The following ATP11B variants were observed in gnomAD, a reference collection of about 807,000 sequenced individuals.
ATP11B encodes phospholipid-transporting ATPase IF.
In ATP11B, 81 loss-of-function variants were observed where a neutral mutation model predicts 157.8. That is an observed-to-expected ratio of 0.51 (90% CI 0.43 to 0.62). The LOEUF is 0.62. ATP11B is among the 20% of genes least tolerant of loss of function. The pLI is 0.00. For missense variants in ATP11B, 1,165 were observed against 1,402.2 expected (o/e 0.83, Z 2.70); for synonymous variants, 451 against 469.4 (o/e 0.96, Z 0.51).
At chr3:182,880,327 A>G (rs1418524932) in intron 20 of ATP11B, among the ~76,000 whole-genome samples, 1 of 152,222 alleles carries the variant, frequency 6.6e-6, no homozygotes, top group East Asian at 1.9e-4. Flanking sequence ...CAGTACTGAT[A>G]CTATGACAAT....
rs568783720 is a variant in ATP11B, at chr3:182,854,249, C to T, written c.852-3629C>T. Among the ~76,000 whole-genome samples, 4 of 152,288 alleles carry T rather than the reference C, an allele frequency of 2.6e-5. No homozygotes were observed. In the South Asian group the frequency reaches 8.3e-4, roughly 32 times the overall value. ...CTTTGGGAGGCCGAGACGGGCAGAT[C>T]ACCTGAGGTCGGGAGTCCGAGACCA... On this transcript the variant is annotated intron_variant, in intron 10 of 29. Transcript: ENST00000323116.
At chr3:182,812,121 T>C (rs1263024766) in intron 1 of ATP11B, among the ~76,000 whole-genome samples, 1 of 152,234 alleles carries the variant, frequency 6.6e-6, no homozygotes, top group Non-Finnish European at 1.5e-5. Flanking sequence ...TAATGTTGTT[T>C]AGAATTTTGT....
intron 1 of ATP11B, among the ~76,000 whole-genome samples, chr3:182,814,764 C>T (rs1370347141): frequency 6.6e-6 from 1 of 152,150 alleles, no homozygotes; most frequent in African/African-American, 2.4e-5. Flanking sequence ...GCCGTGAATA[C>T]ACCACTGCAC....
intron 1 of ATP11B, among the ~76,000 whole-genome samples, chr3:182,799,238 A>G (rs1023928904): frequency 1.3e-5 from 2 of 149,386 alleles, no homozygotes; most frequent in Admixed American, 6.7e-5. Context: ...TTTATTCTTC[A>G]TTTTGTTTCT....
intron 8 of ATP11B, among the ~76,000 whole-genome samples, chr3:182,844,972 C>A (rs1719355393): frequency 6.8e-6 from 1 of 147,412 alleles, no homozygotes; most frequent in Non-Finnish European, 1.5e-5. Flanking sequence ...TCATGATTAG[C>A]CTAGGCAGCC....
chr3:182,885,276 C>T (rs1192774535), intron 22 of ATP11B, among the ~76,000 whole-genome samples: 1 of 152,038 alleles, frequency 6.6e-6, no homozygotes, highest in Non-Finnish European at 1.5e-5. Flanking sequence ...AAATGAAATA[C>T]ATAGGGTTAC....
Position 182,810,085 on chromosome 3 carries a change from A to G in ATP11B, c.28-10175A>G, listed in dbSNP as rs577438408. On this transcript the variant is annotated intron_variant, in intron 1 of 29. Coordinates refer to ENST00000323116, the MANE Select transcript of ATP11B (RefSeq NM_014616.3). Reference sequence around the variant, plus strand: ...TTCAGCCGGTCACGGTGGCTCATGCACTTTGGGAAGCCGAGGCGAGCAGAT... The same window carrying G: ...TTCAGCCGGTCACGGTGGCTCATGCGCTTTGGGAAGCCGAGGCGAGCAGAT... Among the ~76,000 whole-genome samples the G allele has an allele frequency of 2.6e-5, 4 of 152,328 alleles. No individual in the cohort carries two copies. The East Asian group carries it at 7.7e-4, about 29-fold the overall frequency.
chr3:182,866,221 A>G (rs992378190), intron 13 of ATP11B, 47 bp from the exon 14 acceptor site: 16 of 1,394,134 alleles, frequency 1.1e-5, no homozygotes, highest in Non-Finnish European at 9.6e-7. Context: ...CCTAAATGGT[A>G]TGTGGAAATG....
chr3:182,834,865 G>T (rs1355093737), intron 4 of ATP11B, among the ~76,000 whole-genome samples: 1 of 152,180 alleles, frequency 6.6e-6, no homozygotes, highest in Non-Finnish European at 1.5e-5. Flanking sequence ...CTTAACTACT[G>T]ATAGTCTACT....
rs1022101577 is a variant in ATP11B at position 182,829,419 on chromosome 3, G to A, written c.235-253G>A. On this transcript the variant is annotated intron_variant, in intron 3 of 29. Coordinates refer to ENST00000323116, the MANE Select transcript of ATP11B (RefSeq NM_014616.3). ...AGAAATGTGAAACGAGATCTGAGTA[G>A]CTGTAGTTCCACTCCTTGGCGAATA... is the stretch of plus-strand genomic sequence containing the variant. Among the ~76,000 whole-genome samples, 4 of 152,160 alleles carry A rather than the reference G, an allele frequency of 2.6e-5. No homozygotes were observed. In the East Asian group the frequency reaches 5.8e-4, roughly 22 times the overall value.
intron 23 of ATP11B, among the ~76,000 whole-genome samples, chr3:182,886,537 G>A (rs1174252922): frequency 1.3e-5 from 2 of 152,112 alleles, no homozygotes; most frequent in African/African-American, 4.8e-5. Context: ...AGCAATAGTT[G>A]TAATGGGCAC....
chr3:182,819,553 C>A (rs1388671525), intron 1 of ATP11B, among the ~76,000 whole-genome samples: 1 of 152,160 alleles, frequency 6.6e-6, no homozygotes, highest in Non-Finnish European at 1.5e-5. Context: ...ATGGTCTTCT[C>A]AATCTGAGGT....
chr3:182,898,795 T>C (rs1176614305), intron 28 of ATP11B, 23 bp downstream of exon 28: 3 of 1,422,232 alleles, frequency 2.1e-6, no homozygotes, highest in Non-Finnish European at 2.8e-6. Context: ...TATAATAAAT[T>C]CAATATCTTT....
intron 2 of ATP11B, among the ~76,000 whole-genome samples, chr3:182,826,020 C>T (rs1389036526): frequency 6.6e-6 from 1 of 152,186 alleles, no homozygotes. Flanking sequence ...AGTTACACTT[C>T]TAATTCATTT....
intron 4 of ATP11B, among the ~76,000 whole-genome samples, chr3:182,832,968 AATTT>A (rs1296142280): frequency 2.0e-5 from 3 of 152,024 alleles, no homozygotes; most frequent in Admixed American, 6.5e-5. Flanking sequence ...TAAATTTAAG[AATTT>A]ATTCAAGTAA....
intron 29 of ATP11B, chr3:182,914,311 CT>C (rs1560136873): frequency 9.8e-7 from 1 of 1,017,172 alleles, no homozygotes; most frequent in Non-Finnish European, 1.2e-6. Flanking sequence ...GTATAACTTT[CT>C]TTTTTAAATT....
intron 9 of ATP11B, among the ~76,000 whole-genome samples, chr3:182,845,911 CA>C (rs1719481832): frequency 6.6e-6 from 1 of 152,172 alleles, no homozygotes; most frequent in Non-Finnish European, 1.5e-5. Context: ...TCCATTCATA[CA>C]TTCATTCAAC....
chr3:182,800,922 C>A (rs1299733635), intron 1 of ATP11B, among the ~76,000 whole-genome samples: 2 of 148,538 alleles, frequency 1.3e-5, no homozygotes, highest in African/African-American at 5.0e-5. Flanking sequence ...GCCTCAGCCT[C>A]CTGAGTAGCT....
chr3:182,815,901 G>T (rs1716941139), intron 1 of ATP11B, among the ~76,000 whole-genome samples: 1 of 152,166 alleles, frequency 6.6e-6, no homozygotes, highest in Non-Finnish European at 1.5e-5. Context: ...AAAATGTTGA[G>T]ATTCATTCCT....
Sources: allele counts gnomAD v4.1 joint callset (sites outside exome capture counted in the v4.1 genomes callset), GRCh38; gene constraint gnomAD v4.1.1; transcripts MANE v1.5; gene names NCBI Gene and HGNC (gene_info 2026-07-23, HGNC 2026-07-21).